ZMYM2: variants seen among roughly 807,000 people sequenced by gnomAD.
The protein encoded by ZMYM2 is zinc finger MYM-type protein 2.
ZMYM2 carries 56 observed loss-of-function variants against 162.8 expected under a neutral mutation model. The ratio of observed to expected loss-of-function variants is 0.34; its 90% CI spans 0.28 to 0.43. ZMYM2 has a LOEUF of 0.43. Ranked by LOEUF, ZMYM2 falls within the 20% of genes least tolerant of loss-of-function variation. The probability of loss-of-function intolerance (pLI) is 1.00; values close to 1 mark genes in which losing one functional copy is unlikely to be tolerated. For missense variants in ZMYM2, 1,275 were observed against 1,621.8 expected (o/e 0.79, Z 3.67); for synonymous variants, 510 against 541.6 (o/e 0.94, Z 0.81).
chr13:19,914,100 G>A, the ZMYM2 span, among the ~76,000 whole-genome samples: 4 of 152,236 alleles, frequency 2.6e-5, no homozygotes, highest in South Asian at 8.3e-4. Context: ...CTGGGCCGTG[G>A]CCAGTGGTTT....
chr13:19,954,268 A>C (rs551999961), upstream of ZMYM2, among the ~76,000 whole-genome samples: 1 of 151,440 alleles, frequency 6.6e-6, no homozygotes, highest in Non-Finnish European at 1.5e-5. Flanking sequence ...AGCTGGGACT[A>C]CAGGCGCCCA....
At chr13:19,937,646 T>G in the ZMYM2 span, among the ~76,000 whole-genome samples, 1 of 151,052 alleles carries the variant, frequency 6.6e-6, no homozygotes, top group Non-Finnish European at 1.5e-5. Flanking sequence ...TTTTATTTTA[T>G]TATTATTATA....
At chr13:20,067,663 A>G (rs1027851777) in intron 21 of ZMYM2, among the ~76,000 whole-genome samples, 9 of 152,280 alleles carry the variant, frequency 5.9e-5, no homozygotes, top group African/African-American at 1.7e-4. Flanking sequence ...AAATGTCATA[A>G]CTCTGTAAAT....
At chr13:20,037,138 A>G (rs1164116271) in intron 12 of ZMYM2, among the ~76,000 whole-genome samples, 2 of 150,810 alleles carry the variant, frequency 1.3e-5, no homozygotes, top group Non-Finnish European at 1.5e-5. Context: ...GGATATACCT[A>G]TATTTTCAGC....
chr13:20,012,436 T>A (rs1384905858), intron 6 of ZMYM2, among the ~76,000 whole-genome samples: 2 of 152,150 alleles, frequency 1.3e-5, no homozygotes, highest in Non-Finnish European at 2.9e-5. Context: ...CTTCTCAGCC[T>A]CTCAAAGTGC....
At chr13:20,042,144 A>G (rs1296609278) in intron 12 of ZMYM2, among the ~76,000 whole-genome samples, 1 of 152,182 alleles carries the variant, frequency 6.6e-6, no homozygotes, top group Admixed American at 6.5e-5. Flanking sequence ...GATATCCAGA[A>G]ATATGTTTTC....
At chr13:20,015,030 G>A (rs940492714) in intron 6 of ZMYM2, among the ~76,000 whole-genome samples, 9 of 151,834 alleles carry the variant, frequency 5.9e-5, no homozygotes, top group Middle Eastern at 3.4e-3. Flanking sequence ...CAAAGTGCTG[G>A]GATTATAGGT....
chr13:20,043,222 C>T (rs1053724017), intron 12 of ZMYM2, among the ~76,000 whole-genome samples: 4 of 152,186 alleles, frequency 2.6e-5, no homozygotes, highest in African/African-American at 9.7e-5. Flanking sequence ...CAGGTATCCA[C>T]TGTGCTGGGG....
At chr13:20,003,789 C>T (rs1331537320) in intron 4 of ZMYM2, among the ~76,000 whole-genome samples, 3 of 152,256 alleles carry the variant, frequency 2.0e-5, no homozygotes, top group South Asian at 2.1e-4. Flanking sequence ...GTTAGGATTA[C>T]AGGCTTTCGC....
the ZMYM2 span, among the ~76,000 whole-genome samples, chr13:19,953,361 G>A: frequency 1.3e-5 from 2 of 152,150 alleles, no homozygotes; most frequent in African/African-American, 4.8e-5. Flanking sequence ...TATTTAGAAA[G>A]AATGGCAACT....
intron 7 of ZMYM2, chr13:20,026,049 A>G (rs913347937): frequency 1.3e-5 from 2 of 152,094 alleles, no homozygotes; most frequent in African/African-American, 4.8e-5. Flanking sequence ...TGTGGTTTAA[A>G]TTTTTTTAAT....
At chr13:20,054,972 A>G (rs1291244073) in intron 14 of ZMYM2, among the ~76,000 whole-genome samples, 1 of 149,390 alleles carries the variant, frequency 6.7e-6, no homozygotes, top group Non-Finnish European at 1.5e-5. Context: ...TTTGAACTGC[A>G]TTTGTCTACT....
chr13:19,867,315 A>G, the ZMYM2 span, among the ~76,000 whole-genome samples: 5 of 150,710 alleles, frequency 3.3e-5, no homozygotes, highest in East Asian at 7.9e-4. Context: ...GCGCCATCGC[A>G]CTCCAGCCTG....
chr13:20,020,928 A>G (rs1482381174), intron 7 of ZMYM2, among the ~76,000 whole-genome samples: 1 of 151,614 alleles, frequency 6.6e-6, no homozygotes, highest in Non-Finnish European at 1.5e-5. Context: ...CTAATATTTT[A>G]ATATATTAGC....
chr13:20,036,986 GCAACTCA>G, intron 12 of ZMYM2, 77 bp downstream of exon 12: 2 of 1,357,520 alleles, frequency 1.5e-6, no homozygotes, highest in Non-Finnish European at 2.0e-6. Context: ...TACAAATCTG[GCAACTCA>G]TTTATTTTAA....
upstream of ZMYM2, among the ~76,000 whole-genome samples, chr13:19,958,304 G>A (rs1317999621): frequency 6.6e-6 from 1 of 152,178 alleles, no homozygotes; most frequent in African/African-American, 2.4e-5. Context: ...GGGAGCCGCT[G>A]CCGCGGCCTG....
At chr13:19,940,084 G>T in the ZMYM2 span, among the ~76,000 whole-genome samples, 2 of 152,052 alleles carry the variant, frequency 1.3e-5, no homozygotes, top group Non-Finnish European at 2.9e-5. Context: ...ACATATCTAA[G>T]TATAGAATCA....
the ZMYM2 span, among the ~76,000 whole-genome samples, chr13:19,915,409 C>CTT: frequency 4.5e-3 from 674 of 149,774 alleles, 13 homozygotes; most frequent in African/African-American, 0.014. Flanking sequence ...GGCTTGCTTG[C>CTT]TTGCTTTTTC....
intron 2 of ZMYM2, among the ~76,000 whole-genome samples, chr13:19,964,872 GC>G (rs1373194314): frequency 3.9e-5 from 6 of 152,074 alleles, no homozygotes; most frequent in Admixed American, 3.3e-4. Context: ...GGATAAATTT[GC>G]TAGGAATATA....
Sources: allele counts gnomAD v4.1 joint callset (sites outside exome capture counted in the v4.1 genomes callset), GRCh38; gene constraint gnomAD v4.1.1; transcripts MANE v1.5; gene names NCBI Gene and HGNC (gene_info 2026-07-23, HGNC 2026-07-21).